USP16: variants seen among roughly 807,000 people sequenced by gnomAD.
USP16 encodes ubiquitin carboxyl-terminal hydrolase 16.
In USP16, 77 loss-of-function variants were observed where a neutral mutation model predicts 95.9. The ratio of observed to expected loss-of-function variants is 0.80; its 90% CI spans 0.67 to 0.97. USP16 has a LOEUF of 0.97. USP16 is among the 50% of genes least tolerant of loss of function. The pLI, the probability that USP16 is intolerant of heterozygous loss-of-function variation, is 0.00. For missense variants in USP16, 943 were observed against 959.9 expected (o/e 0.98, Z 0.23); for synonymous variants, 303 against 318.2 (o/e 0.95, Z 0.51).
At chr21:29,045,565 T>G (rs78869864) in intron 13 of USP16, among the ~76,000 whole-genome samples, 1 of 147,914 alleles carries the variant, frequency 6.8e-6, no homozygotes, top group African/African-American at 2.5e-5. Context: ...TTTCAGTTTG[T>G]TTTTTTTTTT....
chr21:29,026,842 T>C (rs969775641), intron 1 of USP16, among the ~76,000 whole-genome samples: 2 of 152,202 alleles, frequency 1.3e-5, no homozygotes, highest in African/African-American at 2.4e-5. Context: ...TATATAGTTA[T>C]AACTTTAGTG....
chr21:29,049,315 T>G (rs2085378567), intron 15 of USP16, among the ~76,000 whole-genome samples: 1 of 152,224 alleles, frequency 6.6e-6, no homozygotes, highest in African/African-American at 2.4e-5. Context: ...TAAACTGTGT[T>G]GCAAATTCCG....
chr21:29,051,801 G>A (rs1051602315), intron 16 of USP16, among the ~76,000 whole-genome samples: 1 of 151,758 alleles, frequency 6.6e-6, no homozygotes, highest in Non-Finnish European at 1.5e-5. Flanking sequence ...CTGCACTCCT[G>A]CCTAGGTGAC....
At position 29,043,508 on chromosome 21, in the gene USP16, A is replaced by G. The variant is rs761336476; in HGVS notation, c.1265A>G (p.Asp422Gly). The G allele has an allele frequency of 6.2e-6, 10 of 1,600,646 alleles. No individual in the cohort carries two copies. Among genetic ancestry groups the G allele is most frequent in the East Asian group, 2.3e-5 (1 of 44,106 alleles). Residue 422 changes from aspartate (D) to glycine (G), a missense_variant, in exon 13 of 18, where the codon GAC (aspartate) becomes GGC (glycine). Coordinates refer to ENST00000399976, the MANE Select transcript of USP16 (RefSeq NM_006447.3). ...GATAGTGAGGAAGAAAAAGATAACG[A>G]CAGTTACATAAAAGAGAGAAGTGAT... ...DQDSEEEKDN[D>G]SYIKERSDIP... is the part of the protein sequence containing the mutation.
chr21:29,036,241 C>A, intron 4 of USP16, 30 bp from the exon 5 acceptor site: 1 of 1,562,134 alleles, frequency 6.4e-7, no homozygotes, highest in South Asian at 1.2e-5. Flanking sequence ...GTCATTTTGT[C>A]ATTTTTCATC....
In USP16 at chr21:29,041,991, A is replaced by G. The variant is rs371147314; in HGVS notation, c.1031-22A>G. 4 of 1,600,630 alleles carry G rather than the reference A, an allele frequency of 2.5e-6. No homozygotes were observed. The African/African-American group carries it at 4.0e-5, about 16-fold the overall frequency. On this transcript the variant is annotated intron_variant, in intron 10 of 17. Coordinates refer to ENST00000399976, the MANE Select transcript of USP16 (RefSeq NM_006447.3). ...ATTATATAACGGTAATTGGTAATTG[A>G]TAGACTTTTTTTTCTCCATAGATTA...
rs576550620 is a variant in USP16, at chr21:29,035,459, C to T, written c.344+519C>T. Among the ~76,000 whole-genome samples the T allele has an allele frequency of 2.3e-4, 35 of 150,496 alleles. No homozygotes were observed. The South Asian group carries it at 6.4e-3, about 27-fold the overall frequency. ...TGTGATCTCGGCTCACCACAACCTC[C>T]GCCTCCCAGGTTCAAGCAATTCTCC... On this transcript the variant is annotated intron_variant, in intron 4 of 17. Transcript: ENST00000399976.
chr21:29,037,371 A>C lies in USP16; in HGVS notation c.544A>C (p.Lys182Gln), dbSNP rs1290689815. 2 of 1,610,624 alleles carry C rather than the reference A, an allele frequency of 1.2e-6. No individual in the cohort carries two copies. Among genetic ancestry groups the C allele is most frequent in the East Asian group, 4.5e-5 (2 of 44,782 alleles). The change falls in exon 6 of 18, where the codon AAA becomes CAA. Residue 182 changes from lysine (K) to glutamine (Q), a missense_variant. Lys to Gln is a moderately conservative substitution (Grantham distance 53). Coordinates refer to ENST00000399976, the MANE Select transcript of USP16 (RefSeq NM_006447.3). ...GAGAGAAAAGAAGGAAAACATGGCT[A>C]AAGAGAATCCTCCCATGAATTCTCC... ...QEREKKENMA[K>Q]ENPPMNSPCQ...
chr21:29,050,527 T>C (rs1469255834), intron 16 of USP16, among the ~76,000 whole-genome samples: 1 of 152,156 alleles, frequency 6.6e-6, no homozygotes, highest in Non-Finnish European at 1.5e-5. Flanking sequence ...ACCCAGCATG[T>C]TGGTGGTTCA....
chr21:29,038,765 A>G (rs1313707587), intron 7 of USP16, among the ~76,000 whole-genome samples: 1 of 152,178 alleles, frequency 6.6e-6, no homozygotes, highest in Non-Finnish European at 1.5e-5. Flanking sequence ...ATCCATTTTT[A>G]TTATTTACAT....
At chr21:29,054,005 C>T (rs1489187991) in intron 17 of USP16, 47 bp downstream of exon 17, 2 of 1,612,822 alleles carry the variant, frequency 1.2e-6, no homozygotes, top group Non-Finnish European at 1.7e-6. Context: ...TACGGCAAAA[C>T]CAAAAAGTAA....
chr21:29,035,808 A>G (rs1285988275), intron 4 of USP16, among the ~76,000 whole-genome samples: 2 of 151,828 alleles, frequency 1.3e-5, no homozygotes, highest in Non-Finnish European at 2.9e-5. Context: ...AGTCCCAGCT[A>G]CTCGGGAGGC....
intron 1 of USP16, among the ~76,000 whole-genome samples, chr21:29,026,076 A>G (rs894113548): frequency 1.3e-5 from 2 of 152,244 alleles, no homozygotes; most frequent in African/African-American, 4.8e-5. Context: ...GAGAGCTTCC[A>G]AGATTGGTAA....
At chr21:29,051,866 G>A (rs539260737) in intron 16 of USP16, among the ~76,000 whole-genome samples, 10 of 152,128 alleles carry the variant, frequency 6.6e-5, no homozygotes, top group East Asian at 1.9e-4. Flanking sequence ...TGCTGTGATG[G>A]GCATAATGGA....
Position 29,034,076 on chromosome 21 carries a change from G to C in USP16, c.241-761G>C, listed in dbSNP as rs191167941. Among the ~76,000 whole-genome samples, 10 of 152,320 alleles carry C rather than the reference G, an allele frequency of 6.6e-5. No individual in the cohort carries two copies. In the East Asian group the frequency reaches 1.7e-3, roughly 26 times the overall value. ...GTCGGGGTCAGAGGATGTCAGGTTT[G>C]TTTATTAGGAGTTTAAGAGTGCAAT... is the stretch of plus-strand genomic sequence containing the variant. On this transcript the variant is annotated intron_variant, in intron 3 of 17. Coordinates refer to ENST00000399976, the MANE Select transcript of USP16 (RefSeq NM_006447.3).
intron 16 of USP16, 134 bp from the exon 17 acceptor site, chr21:29,053,668 A>G (rs1419200227): frequency 7.1e-6 from 6 of 841,316 alleles, no homozygotes; most frequent in East Asian, 2.5e-5. Context: ...TGGAGAAAAG[A>G]GTAGACTCAT....
intron 10 of USP16, among the ~76,000 whole-genome samples, 184 bp from the exon 11 acceptor site, chr21:29,041,829 G>A (rs1326404061): frequency 6.6e-6 from 1 of 152,088 alleles, no homozygotes; most frequent in African/African-American, 2.4e-5. Flanking sequence ...TATGCTCAGA[G>A]GTGGAATATA....
At chr21:29,026,159 A>G (rs1017069548) in intron 1 of USP16, among the ~76,000 whole-genome samples, 2 of 152,170 alleles carry the variant, frequency 1.3e-5, no homozygotes, top group African/African-American at 2.4e-5. Context: ...TTTGGAGTGG[A>G]GTACAAGAGA....
chr21:29,049,635 C>T (rs1450653691), intron 15 of USP16, among the ~76,000 whole-genome samples: 2 of 152,192 alleles, frequency 1.3e-5, no homozygotes, highest in African/African-American at 4.8e-5. Flanking sequence ...TCATGGCTCA[C>T]TGAAGGTTTG....
Sources: allele counts gnomAD v4.1 joint callset (sites outside exome capture counted in the v4.1 genomes callset), GRCh38; gene constraint gnomAD v4.1.1; transcripts MANE v1.5; gene names NCBI Gene and HGNC (gene_info 2026-07-23, HGNC 2026-07-21).